PRKCE: variants seen among roughly 807,000 people sequenced by gnomAD.
PRKCE encodes the protein protein kinase C epsilon type.
Under a neutral mutation model 85.4 loss-of-function variants are expected in PRKCE, and 16 were observed. That is an observed-to-expected ratio of 0.19 (90% CI 0.13 to 0.28). The LOEUF (loss-of-function observed/expected upper bound fraction) is 0.28, where lower values mean the gene tolerates loss of function less well. Ranked by LOEUF, PRKCE falls within the 10% of genes least tolerant of loss-of-function variation. PRKCE has a pLI of 1.00. For missense variants in PRKCE, 573 were observed against 975.2 expected, an observed-to-expected ratio of 0.59 and a Z score of 5.49; for synonymous variants, 388 against 371.5, an observed-to-expected ratio of 1.04 and a Z score of -0.51.
chr2:45,656,227 T>G (rs1675373541), intron 1 of PRKCE, among the ~76,000 whole-genome samples: 1 of 152,356 alleles, frequency 6.6e-6, no homozygotes, highest in East Asian at 1.9e-4. Context: ...GTTTGGAGCA[T>G]GTAGTTATAA....
intron 2 of PRKCE, among the ~76,000 whole-genome samples, chr2:45,853,973 C>A (rs975067655): frequency 3.3e-5 from 5 of 152,212 alleles, no homozygotes; most frequent in Admixed American, 1.3e-4. Flanking sequence ...TTCCCACACA[C>A]GGGCCCATCC....
intron 2 of PRKCE, among the ~76,000 whole-genome samples, chr2:45,959,007 TGACAGGTTAAGAGTCAACCTGAA>T (rs1558886162): frequency 6.6e-6 from 1 of 151,336 alleles, no homozygotes; most frequent in Non-Finnish European, 1.5e-5. Context: ...CATTTCAGGC[TGACAGGTTAAGAGTCAACCTGAA>T]GTTCTGGTTA....
rs1401260070 is a variant in PRKCE at position 46,187,222 on chromosome 2, C to G, written c.*2341C>G. 6.6e-6 allele frequency: 1 copy of G among 152,650 alleles called. No individual in the cohort carries two copies. Among genetic ancestry groups the G allele is most frequent in the Admixed American group, 6.5e-5 (1 of 15,292 alleles). 9.5% of individuals were successfully genotyped at this position (152,650 alleles called of 1,614,324 possible). A position where few individuals can be genotyped will look rare whatever the true frequency, so the allele number is the denominator to read the frequency against. On this transcript the variant is annotated 3_prime_UTR_variant, in exon 15 of 15. Transcript: ENST00000306156. ...GTCCGAGGGCCTAGTGTTTGCACGG[C>G]AGTGGGAACTGGGCCTTTCCTACAG... is the stretch of plus-strand genomic sequence containing the variant.
intron 2 of PRKCE, among the ~76,000 whole-genome samples, chr2:45,941,188 A>T (rs1269052635): frequency 6.6e-6 from 1 of 152,016 alleles, no homozygotes; most frequent in Admixed American, 6.6e-5. Flanking sequence ...AGCCTAGTTA[A>T]TCCCTTGAAG....
At position 46,005,085 on chromosome 2, in the gene PRKCE, G is replaced by T. The variant is rs370836900; in HGVS notation, c.1063+447G>T. ...GAGATCAGCTTGAGTTTGGGGCTGG[G>T]TGAGGGAGGATGTCTTCTATCCTGG... On this transcript the variant is annotated intron_variant, in intron 8 of 14. Transcript: ENST00000306156. Among the ~76,000 whole-genome samples, 11 of 152,316 alleles carry T rather than the reference G, an allele frequency of 7.2e-5. No individual in the cohort carries two copies. In the South Asian group the frequency reaches 1.5e-3, roughly 20 times the overall value.
chr2:46,019,704 A>G (rs1446897503), intron 10 of PRKCE, among the ~76,000 whole-genome samples: 1 of 151,982 alleles, frequency 6.6e-6, no homozygotes, highest in East Asian at 1.9e-4. Flanking sequence ...TTGAAGTTGC[A>G]GTTTCTAAGA....
intron 10 of PRKCE, among the ~76,000 whole-genome samples, chr2:46,074,987 G>T (rs1455058152): frequency 1.3e-5 from 2 of 152,218 alleles, no homozygotes; most frequent in African/African-American, 4.8e-5. Context: ...CTTTGGCTGG[G>T]TTGGGGAAAT....
intron 2 of PRKCE, among the ~76,000 whole-genome samples, chr2:45,928,107 T>C (rs2104008919): frequency 6.6e-6 from 1 of 152,326 alleles, no homozygotes; most frequent in Non-Finnish European, 1.5e-5. Flanking sequence ...CCTCCAAGCT[T>C]TCCTAGGCTG....
intron 11 of PRKCE, among the ~76,000 whole-genome samples, chr2:46,108,610 A>G (rs1293110127): frequency 3.3e-5 from 5 of 152,238 alleles, no homozygotes; most frequent in East Asian, 1.9e-4. Context: ...ACAATGCAGT[A>G]TATCAATGTA....
At chr2:45,720,151 C>T (rs1680490575) in intron 1 of PRKCE, among the ~76,000 whole-genome samples, 1 of 152,004 alleles carries the variant, frequency 6.6e-6, no homozygotes, top group Non-Finnish European at 1.5e-5. Context: ...GGGAGAGGGG[C>T]TGGAGGGGTA....
At chr2:45,869,702 CTCTCTTTTTT>C (rs936133165) in intron 2 of PRKCE, among the ~76,000 whole-genome samples, 3 of 122,584 alleles carry the variant, frequency 2.4e-5, no homozygotes, top group African/African-American at 8.6e-5. Flanking sequence ...TTGTTTCTCT[CTCTCTTTTTT>C]TTTTTTTTTT....
In PRKCE at chr2:45,937,485, C is replaced by T. The variant is rs111234987; in HGVS notation, c.413-38944C>T. 7.7e-3 allele frequency among the ~76,000 whole-genome samples: 1,165 copies of T among 152,180 alleles called. 19 individuals carry two copies. Among genetic ancestry groups the T allele is most frequent in the South Asian group, 0.064 (308 of 4,818 alleles). Reference sequence around the variant, plus strand: ...CCCAGCACTTTGGGAGGCTCAGGCGCGCGGATCACGAGGTCAGGAGATGAA... The same window carrying T: ...CCCAGCACTTTGGGAGGCTCAGGCGTGCGGATCACGAGGTCAGGAGATGAA... On this transcript the variant is annotated intron_variant, in intron 2 of 14. Coordinates refer to ENST00000306156, the MANE Select transcript of PRKCE (RefSeq NM_005400.3).
intron 1 of PRKCE, among the ~76,000 whole-genome samples, chr2:45,728,521 C>A (rs1052595834): frequency 1.3e-5 from 2 of 152,124 alleles, no homozygotes; most frequent in Non-Finnish European, 2.9e-5. Flanking sequence ...GGTGCAAGTG[C>A]TATTGGGTGT....
intron 10 of PRKCE, among the ~76,000 whole-genome samples, chr2:46,036,933 C>A (rs532603655): frequency 6.6e-6 from 1 of 152,160 alleles, no homozygotes. Context: ...CTGGCTGTCC[C>A]CCATCCTCTT....
intron 10 of PRKCE, among the ~76,000 whole-genome samples, chr2:46,011,958 G>T (rs1705717779): frequency 6.6e-6 from 1 of 152,186 alleles, no homozygotes. Context: ...ACTTTCCTCA[G>T]AGACCACTAT....
intron 12 of PRKCE, among the ~76,000 whole-genome samples, chr2:46,149,399 A>G (rs1302691020): frequency 6.6e-6 from 1 of 152,124 alleles, no homozygotes. Context: ...TTATAGAATT[A>G]TGGACCTGGA....
chr2:45,866,252 G>A (rs906181405), intron 2 of PRKCE, among the ~76,000 whole-genome samples: 3 of 152,114 alleles, frequency 2.0e-5, no homozygotes, highest in South Asian at 2.1e-4. Flanking sequence ...AAAGATATGG[G>A]TGAGATAATA....
At chr2:45,951,914 A>C (rs1814502) in intron 2 of PRKCE, among the ~76,000 whole-genome samples, 131,494 of 152,284 alleles carry the variant, frequency 0.86, 57,254 homozygotes, top group African/African-American at 0.96. Flanking sequence ...CTCACTGCAA[A>C]CTCTGCCTCC....
At chr2:45,964,224 A>G (rs73926124) in intron 2 of PRKCE, among the ~76,000 whole-genome samples, 13,624 of 152,268 alleles carry the variant, frequency 0.089, 819 homozygotes, top group African/African-American at 0.17. Flanking sequence ...ACCTGGGGAC[A>G]GGCAGAGACC....
Sources: gnomAD v4.1 joint callset for allele counts (sites outside exome capture counted in the v4.1 genomes callset) on GRCh38, gnomAD v4.1.1 for gene constraint, MANE v1.5 for transcripts, NCBI Gene and HGNC (gene_info 2026-07-23, HGNC 2026-07-21) for gene names.